The following ZBTB7C variants were observed in gnomAD, a reference collection of about 807,000 sequenced individuals.
ZBTB7C encodes zinc finger and BTB domain containing 7C.
Under a neutral mutation model 25.7 loss-of-function variants are expected in ZBTB7C, and 8 were observed. That is an observed-to-expected ratio of 0.31 (90% CI 0.18 to 0.56). The LOEUF is 0.56. Among genes scored for constraint, ZBTB7C ranks in the 20% least tolerant of loss-of-function variants. The probability of loss-of-function intolerance (pLI) is 0.91; values close to 1 mark genes in which losing one functional copy is unlikely to be tolerated. For synonymous variants in ZBTB7C, 394 were observed against 369.0 expected (o/e 1.07, Z -0.78); for missense variants, 824 against 855.2 (o/e 0.96, Z 0.46).
intron 3 of ZBTB7C, among the ~76,000 whole-genome samples, chr18:48,050,081 T>G (rs937145985): frequency 6.6e-6 from 1 of 152,074 alleles, no homozygotes; most frequent in African/African-American, 2.4e-5. Flanking sequence ...TCTCCAGATG[T>G]GGGAATGAGG....
intron 3 of ZBTB7C, among the ~76,000 whole-genome samples, chr18:48,177,638 C>T (rs1176494748): frequency 6.6e-6 from 1 of 151,966 alleles, no homozygotes; most frequent in African/African-American, 2.4e-5. Flanking sequence ...GCCATGAAAT[C>T]GCCCCTCAGG....
At chr18:48,152,914 G>A (rs904728737) in intron 3 of ZBTB7C, among the ~76,000 whole-genome samples, 1 of 152,202 alleles carries the variant, frequency 6.6e-6, no homozygotes, top group Non-Finnish European at 1.5e-5. Flanking sequence ...TCACAAGGGA[G>A]GAAATGCAGG....
At chr18:48,181,165 T>C (rs1241905819) in intron 3 of ZBTB7C, among the ~76,000 whole-genome samples, 1 of 152,166 alleles carries the variant, frequency 6.6e-6, no homozygotes, top group Non-Finnish European at 1.5e-5. Context: ...TTTATCTTCA[T>C]AGAAGAGGGA....
chr18:48,224,181 C>A (rs2043029560), intron 2 of ZBTB7C, among the ~76,000 whole-genome samples: 1 of 152,188 alleles, frequency 6.6e-6, no homozygotes, highest in Non-Finnish European at 1.5e-5. Flanking sequence ...AGCAGCTGAA[C>A]CCAATTTCTA....
chr18:48,331,463 C>A (rs889254560), intron 2 of ZBTB7C, among the ~76,000 whole-genome samples: 2 of 152,158 alleles, frequency 1.3e-5, no homozygotes, highest in African/African-American at 4.8e-5. Flanking sequence ...TTCTGGAACC[C>A]AGGATTCTAA....
chr18:48,260,537 T>C (rs2044142544), intron 2 of ZBTB7C, among the ~76,000 whole-genome samples: 1 of 152,204 alleles, frequency 6.6e-6, no homozygotes, highest in African/African-American at 2.4e-5. Context: ...GAAAACAACA[T>C]GCGCTACAGT....
chr18:48,165,881 G>T (rs1176768014), intron 3 of ZBTB7C, among the ~76,000 whole-genome samples: 2 of 152,174 alleles, frequency 1.3e-5, no homozygotes. Flanking sequence ...GGAGAGGCCT[G>T]CATGCCGAGC....
At chr18:48,341,541 G>A (rs544915273) in intron 1 of ZBTB7C, among the ~76,000 whole-genome samples, 10 of 152,264 alleles carry the variant, frequency 6.6e-5, no homozygotes, top group Non-Finnish European at 1.5e-4. Flanking sequence ...ATTCGCCACT[G>A]TAGGGCTGGT....
chr18:48,214,241 A>C (rs1423890075), intron 2 of ZBTB7C, among the ~76,000 whole-genome samples: 2 of 152,332 alleles, frequency 1.3e-5, no homozygotes, highest in East Asian at 3.9e-4. Context: ...CCACCTCCAG[A>C]ACTTTTTTTC....
intron 2 of ZBTB7C, among the ~76,000 whole-genome samples, chr18:48,319,331 G>A (rs2046033524): frequency 6.6e-6 from 1 of 152,144 alleles, no homozygotes; most frequent in Non-Finnish European, 1.5e-5. Flanking sequence ...ATATGGGTGT[G>A]ATCCTGGGCC....
intron 2 of ZBTB7C, among the ~76,000 whole-genome samples, chr18:48,292,553 G>C (rs986234484): frequency 6.6e-6 from 1 of 152,178 alleles, no homozygotes; most frequent in African/African-American, 2.4e-5. Context: ...GAAGGACAGG[G>C]GCAAGCAGAG....
At chr18:48,070,728 G>A (rs544256489) in intron 3 of ZBTB7C, among the ~76,000 whole-genome samples, 2 of 152,324 alleles carry the variant, frequency 1.3e-5, no homozygotes, top group South Asian at 2.1e-4. Context: ...GTTGGGGGAA[G>A]GAGTGCAAAC....
intron 1 of ZBTB7C, among the ~76,000 whole-genome samples, chr18:48,362,388 G>C (rs1253915241): frequency 6.6e-6 from 1 of 152,226 alleles, no homozygotes; most frequent in East Asian, 1.9e-4. Context: ...TTTGGGAGGT[G>C]ATTAGGTCAC....
At chr18:48,087,011 G>T (rs2038214487) in intron 3 of ZBTB7C, among the ~76,000 whole-genome samples, 2 of 152,226 alleles carry the variant, frequency 1.3e-5, no homozygotes, top group Admixed American at 6.5e-5. Flanking sequence ...ATTCTGAGAA[G>T]TAACTATAAT....
At chr18:48,333,724 AG>A (rs955340721) in intron 2 of ZBTB7C, among the ~76,000 whole-genome samples, 47 of 152,322 alleles carry the variant, frequency 3.1e-4, no homozygotes, top group Admixed American at 1.6e-3. Flanking sequence ...GAGAGCCAGC[AG>A]GAAGCAGCAG....
At chr18:48,076,355 A>G (rs2037764422) in intron 3 of ZBTB7C, among the ~76,000 whole-genome samples, 1 of 152,134 alleles carries the variant, frequency 6.6e-6, no homozygotes, top group Admixed American at 6.5e-5. Flanking sequence ...AATAACCACA[A>G]GGTTTAATGT....
In ZBTB7C at chr18:48,032,926, C is replaced by T. The variant is rs186951219; in HGVS notation, c.1209-3015G>A. Reference sequence around the variant, plus strand: ...GTAAGAAGTGCTGAGAAGGTGCCTACGATATCCTTTTATTGAACATCTGCT... The same window carrying T: ...GTAAGAAGTGCTGAGAAGGTGCCTATGATATCCTTTTATTGAACATCTGCT... On this transcript the variant is annotated intron_variant, in intron 4 of 4. Transcript: ENST00000590800. 2.2e-4 allele frequency among the ~76,000 whole-genome samples: 33 copies of T among 152,252 alleles called. No homozygotes were observed. In the East Asian group the frequency reaches 4.0e-3, roughly 19 times the overall value.
chr18:48,336,653 T>C (rs1598899074), intron 2 of ZBTB7C, among the ~76,000 whole-genome samples: 1 of 152,124 alleles, frequency 6.6e-6, no homozygotes, highest in South Asian at 2.1e-4. Context: ...ACAGACCCAG[T>C]CCCTGGCTCT....
At chr18:48,368,242 C>CAAAAAAAAAAAAAAAAAAAAAAAAA (rs780636646) in intron 1 of ZBTB7C, among the ~76,000 whole-genome samples, 1 of 95,530 alleles carries the variant, frequency 1.0e-5, no homozygotes, top group Non-Finnish European at 2.1e-5. Flanking sequence ...GAAAGCCTAG[C>CAAAAAAAAAAAAAAAAAAAAAAAAA]AAAAAAAAAA....
Sources: gnomAD v4.1 joint callset for allele counts (sites outside exome capture counted in the v4.1 genomes callset) on GRCh38, gnomAD v4.1.1 for gene constraint, MANE v1.5 for transcripts, NCBI Gene and HGNC (gene_info 2026-07-23, HGNC 2026-07-21) for gene names.